Variants in ADCK1 observed in about 807,000 individuals in gnomAD.
ADCK1 encodes the protein aarF domain containing kinase 1.
A neutral mutation model predicts 52.3 loss-of-function variants in ADCK1; 41 were observed. That is an observed-to-expected ratio of 0.78 (90% CI 0.61 to 1.02). The LOEUF is 1.02. Among genes scored for constraint, ADCK1 ranks in the 50% least tolerant of loss-of-function variants. The pLI is 0.00. For missense variants in ADCK1, 658 were observed against 679.5 expected, an observed-to-expected ratio of 0.97 and a Z score of 0.35; for synonymous variants, 250 against 274.6, an observed-to-expected ratio of 0.91 and a Z score of 0.89.
intron 4 of ADCK1, among the ~76,000 whole-genome samples, chr14:77,864,294 A>G (rs1407182492): frequency 6.6e-6 from 1 of 152,216 alleles, no homozygotes; most frequent in Non-Finnish European, 1.5e-5. Flanking sequence ...TGTTTGCTCA[A>G]GGTTTAAGCA....
At chr14:77,902,319 C>T (rs1193179608) in intron 6 of ADCK1, 3 of 152,200 alleles carry the variant, frequency 2.0e-5, no homozygotes, top group African/African-American at 7.2e-5. Flanking sequence ...CGTCTCCATA[C>T]TCCCAGTATG....
At chr14:77,855,301 A>G (rs1384500951) in intron 3 of ADCK1, among the ~76,000 whole-genome samples, 2 of 152,252 alleles carry the variant, frequency 1.3e-5, no homozygotes, top group Non-Finnish European at 2.9e-5. Context: ...GGCTAAATGG[A>G]TACCCCATGT....
chr14:77,837,707 G>C (rs1187701766), intron 3 of ADCK1, among the ~76,000 whole-genome samples: 1 of 152,204 alleles, frequency 6.6e-6, no homozygotes, highest in Non-Finnish European at 1.5e-5. Flanking sequence ...TGTTGTATCA[G>C]GGCATCAGAG....
At position 77,829,315 on chromosome 14, in the gene ADCK1, A is replaced by G. The variant is rs1307109201; in HGVS notation, c.219+6797A>G. Among the ~76,000 whole-genome samples, 4 of 147,156 alleles carry G rather than the reference A, an allele frequency of 2.7e-5. 1 individual carries two copies. Among genetic ancestry groups the G allele is most frequent in the Admixed American group, 6.8e-5 (1 of 14,726 alleles). On this transcript the variant is annotated intron_variant, in intron 3 of 10. Transcript: ENST00000238561. Reference sequence around the variant, plus strand: ...CTAAGATTTTTTTTTTTTTTGAGACATGGTCTTGCCCTGTCACGACCCAGG... The same window carrying G: ...CTAAGATTTTTTTTTTTTTTGAGACGTGGTCTTGCCCTGTCACGACCCAGG...
At chr14:77,927,831 C>T (rs572191996) in intron 9 of ADCK1, among the ~76,000 whole-genome samples, 7 of 152,274 alleles carry the variant, frequency 4.6e-5, no homozygotes, top group African/African-American at 1.4e-4. Flanking sequence ...ACGGAGGAGC[C>T]GTGGGCAGGA....
chr14:77,928,572 C>T (rs1184123897), intron 9 of ADCK1, among the ~76,000 whole-genome samples: 1 of 151,974 alleles, frequency 6.6e-6, no homozygotes, highest in Non-Finnish European at 1.5e-5. Flanking sequence ...AGCCATTCTC[C>T]TGCCTCAGCC....
chr14:77,919,450 T>C (rs1012872189), intron 7 of ADCK1, among the ~76,000 whole-genome samples: 14 of 152,252 alleles, frequency 9.2e-5, no homozygotes, highest in Admixed American at 6.5e-4. Flanking sequence ...TGGTACTCCA[T>C]GGTCTATGTA....
chr14:77,881,651 T>C (rs942151747), intron 4 of ADCK1, among the ~76,000 whole-genome samples: 9 of 152,096 alleles, frequency 5.9e-5, no homozygotes, highest in Non-Finnish European at 1.0e-4. Flanking sequence ...CTCACCCTTT[T>C]CCCCCCTAAT....
At chr14:77,852,660 A>AATAAATAAATATATATATATATT (rs1372819667) in intron 3 of ADCK1, among the ~76,000 whole-genome samples, 1 of 31,744 alleles carries the variant, frequency 3.2e-5, no homozygotes, top group African/African-American at 1.1e-4. Flanking sequence ...TAAATAAATA[A>AATAAATAAATATATATATATATT]ATATATATAT....
intron 3 of ADCK1, among the ~76,000 whole-genome samples, chr14:77,844,584 C>T (rs550229402): frequency 7.9e-5 from 12 of 152,232 alleles, no homozygotes; most frequent in African/African-American, 2.2e-4. Context: ...AGAGCAGACT[C>T]GGTCTGTGTA....
chr14:77,920,431 T>C (rs1039208957), intron 7 of ADCK1, among the ~76,000 whole-genome samples: 3 of 152,208 alleles, frequency 2.0e-5, no homozygotes, highest in African/African-American at 7.2e-5. Flanking sequence ...TATTTCTTGG[T>C]TCTCTATTCT....
At chr14:77,830,188 A>G (rs1474198395) in intron 3 of ADCK1, among the ~76,000 whole-genome samples, 3 of 150,754 alleles carry the variant, frequency 2.0e-5, no homozygotes, top group Non-Finnish European at 4.5e-5. Flanking sequence ...CCCAGGCCAG[A>G]GTGCAGTGGT....
intron 4 of ADCK1, among the ~76,000 whole-genome samples, chr14:77,878,932 C>T (rs547902507): frequency 6.6e-6 from 1 of 152,058 alleles, no homozygotes; most frequent in African/African-American, 2.4e-5. Flanking sequence ...CTTCCCCCCC[C>T]ACGAATGAAT....
intron 3 of ADCK1, among the ~76,000 whole-genome samples, chr14:77,825,565 C>T (rs991006857): frequency 6.6e-6 from 1 of 151,942 alleles, no homozygotes; most frequent in African/African-American, 2.4e-5. Flanking sequence ...ATCTCCATGT[C>T]TGCAGCATCC....
At chr14:77,909,377 C>T (rs1566726560) in intron 7 of ADCK1, among the ~76,000 whole-genome samples, 5 of 152,218 alleles carry the variant, frequency 3.3e-5, no homozygotes, top group East Asian at 1.9e-4. Context: ...TCGGGTGATC[C>T]GCCTGCCTCG....
intron 4 of ADCK1, among the ~76,000 whole-genome samples, chr14:77,874,538 A>C (rs2082855422): frequency 6.6e-6 from 1 of 152,142 alleles, no homozygotes; most frequent in African/African-American, 2.4e-5. Flanking sequence ...AGGGAGGCCT[A>C]TGTCTCCCAG....
chr14:77,810,207 C>A (rs901309823), intron 1 of ADCK1, among the ~76,000 whole-genome samples: 7 of 151,974 alleles, frequency 4.6e-5, no homozygotes, highest in African/African-American at 1.7e-4. Context: ...CTCGACCTTC[C>A]AGGCTCAAGT....
At chr14:77,836,747 C>G (rs1241514240) in intron 3 of ADCK1, among the ~76,000 whole-genome samples, 1 of 149,870 alleles carries the variant, frequency 6.7e-6, no homozygotes, top group Non-Finnish European at 1.5e-5. Flanking sequence ...AAGCCTCTAT[C>G]TCCTCTACCT....
At chr14:77,859,524 T>C (rs775700356) in intron 4 of ADCK1, among the ~76,000 whole-genome samples, 1 of 152,182 alleles carries the variant, frequency 6.6e-6, no homozygotes, top group Non-Finnish European at 1.5e-5. Flanking sequence ...AACCTATATA[T>C]CATTCATATG....
Sources: gnomAD v4.1 joint callset for allele counts (sites outside exome capture counted in the v4.1 genomes callset) on GRCh38, gnomAD v4.1.1 for gene constraint, MANE v1.5 for transcripts, NCBI Gene and HGNC (gene_info 2026-07-23, HGNC 2026-07-21) for gene names.